Variants in FGF13 observed in about 807,000 individuals in gnomAD.
FGF13 encodes fibroblast growth factor homologous factor 2.
A neutral mutation model predicts 19.5 loss-of-function variants in FGF13; 2 were observed. That is an observed-to-expected ratio of 0.10 (90% CI 0.04 to 0.32). The LOEUF (loss-of-function observed/expected upper bound fraction) is 0.32. Ranked by LOEUF, FGF13 falls within the 10% of genes least tolerant of loss-of-function variation. The probability of loss-of-function intolerance (pLI) is 1.00; values close to 1 mark genes in which losing one functional copy is unlikely to be tolerated. For missense variants in FGF13, 113 were observed against 192.7 expected, an observed-to-expected ratio of 0.59 and a Z score of 2.45; for synonymous variants, 72 against 76.9, an observed-to-expected ratio of 0.94 and a Z score of 0.33.
intron 1 of FGF13, among the ~76,000 whole-genome samples, chrX:138,868,748 C>T (rs1413787872): frequency 1.8e-5 from 2 of 110,628 alleles, no homozygotes; most frequent in Admixed American, 9.7e-5. Context: ...GCTGGAAGAG[C>T]CCTGCACTAT....
intron 1 of FGF13, among the ~76,000 whole-genome samples, chrX:139,033,076 C>CTAAT (rs1474607799): frequency 1.1e-5 from 1 of 91,308 alleles, no homozygotes; most frequent in African/African-American, 4.0e-5. Flanking sequence ...CATTCATGGG[C>CTAAT]TAATTTGGAG....
At chrX:139,127,354 C>G (rs750920274) in intron 1 of FGF13, among the ~76,000 whole-genome samples, 33 of 111,660 alleles carry the variant, frequency 3.0e-4, no homozygotes, top group Non-Finnish European at 5.3e-4. Context: ...TATATCCAGC[C>G]CTGGGAAGAT....
chrX:138,723,336 T>C (rs181903655), intron 1 of FGF13, among the ~76,000 whole-genome samples: 17 of 112,128 alleles, frequency 1.5e-4, no homozygotes, highest in African/African-American at 5.5e-4. Flanking sequence ...ACTTCTCCTT[T>C]CCTCAGTTTT....
At chrX:138,637,486 T>C (rs1310693698) in intron 3 of FGF13, among the ~76,000 whole-genome samples, 1 of 112,453 alleles carries the variant, frequency 8.9e-6, no homozygotes, top group Non-Finnish European at 1.9e-5. Flanking sequence ...AATAGCCACA[T>C]AAACAATGTA....
intron 1 of FGF13, among the ~76,000 whole-genome samples, chrX:138,986,219 ATTGT>A (rs1303629095): frequency 4.0e-4 from 45 of 111,303 alleles, no homozygotes; most frequent in African/African-American, 1.4e-3. Flanking sequence ...CAATGGTAGG[ATTGT>A]TTGTTTTTAA....
At chrX:139,101,606 T>C (rs1436409464) in intron 1 of FGF13, among the ~76,000 whole-genome samples, 1 of 112,569 alleles carries the variant, frequency 8.9e-6, no homozygotes, top group East Asian at 2.8e-4. Context: ...AAAATCTTTA[T>C]AATAAATATT....
intron 1 of FGF13, among the ~76,000 whole-genome samples, chrX:138,724,604 C>T (rs1030435680): frequency 2.7e-5 from 3 of 111,891 alleles, no homozygotes; most frequent in African/African-American, 6.5e-5. Context: ...TGCTTAACAA[C>T]GCAGGTTAGA....
chrX:139,144,966 G>A (rs766096721), intron 1 of FGF13, among the ~76,000 whole-genome samples: 1 of 111,668 alleles, frequency 9.0e-6, no homozygotes, highest in Non-Finnish European at 1.9e-5. Flanking sequence ...GGTAACATAA[G>A]TAACATATTT....
intron 1 of FGF13, among the ~76,000 whole-genome samples, chrX:139,034,335 A>C (rs2092243410): frequency 9.0e-6 from 1 of 111,665 alleles, no homozygotes; most frequent in Non-Finnish European, 1.9e-5. Flanking sequence ...ATGGCATCTA[A>C]GGCAAAACAT....
chrX:138,658,620 T>A (rs2089459447), intron 3 of FGF13, among the ~76,000 whole-genome samples: 1 of 111,739 alleles, frequency 8.9e-6, no homozygotes, highest in South Asian at 3.8e-4. Flanking sequence ...GGGAGTAGCT[T>A]AAGGTCAAGA....
At chrX:138,895,206 T>C (rs1044160112) in intron 1 of FGF13, among the ~76,000 whole-genome samples, 1 of 112,157 alleles carries the variant, frequency 8.9e-6, no homozygotes, top group African/African-American at 3.2e-5. Context: ...AACTTGATGA[T>C]GTGATATATG....
At chrX:138,784,530 G>C in intron 3 of FGF13, among the ~76,000 whole-genome samples, 1 of 109,983 alleles carries the variant, frequency 9.1e-6, no homozygotes, top group East Asian at 2.9e-4. Context: ...CTAGTTACCT[G>C]CTCTTTCCTT....
At chrX:138,682,117 C>T (rs752279358) in intron 3 of FGF13, among the ~76,000 whole-genome samples, 1 of 112,287 alleles carries the variant, frequency 8.9e-6, no homozygotes, top group African/African-American at 3.2e-5. Context: ...ACTGCAATAT[C>T]TGCAAAGCAT....
intron 1 of FGF13, among the ~76,000 whole-genome samples, chrX:138,991,236 G>C (rs941067697): frequency 3.6e-5 from 4 of 112,277 alleles, no homozygotes; most frequent in Non-Finnish European, 7.5e-5. Flanking sequence ...CAGAAATAGA[G>C]TGTATGCTTT....
At chrX:138,844,630 C>G (rs1377170690) in intron 3 of FGF13, among the ~76,000 whole-genome samples, 1 of 112,108 alleles carries the variant, frequency 8.9e-6, no homozygotes, top group Non-Finnish European at 1.9e-5. Flanking sequence ...ATCCATTCCT[C>G]CTTCCTGAAG....
chrX:138,970,420 G>T (rs1268127966), intron 1 of FGF13, among the ~76,000 whole-genome samples: 1 of 111,171 alleles, frequency 9.0e-6, no homozygotes. Context: ...CTGCCATATT[G>T]TTCTCCACAA....
At position 138,782,329 on chromosome X, in the gene FGF13, A is replaced by T. The variant is rs760659937; in HGVS notation, c.218-73401T>A. Reference sequence around the variant, plus strand: ...GCCAGGGCAATTAGGCAGGAGAAGGAAATAAAGGGTATTCAATTAGGAAAA... The same window carrying T: ...GCCAGGGCAATTAGGCAGGAGAAGGTAATAAAGGGTATTCAATTAGGAAAA... On this transcript the variant is annotated intron_variant, in intron 3 of 6. Transcript: ENST00000436198. 4.1e-4 allele frequency among the ~76,000 whole-genome samples: 46 copies of T among 112,026 alleles called. No homozygotes were observed. The East Asian group carries it at 0.012, about 29-fold the overall frequency.
chrX:139,050,951 A>G (rs1345838338), intron 1 of FGF13, among the ~76,000 whole-genome samples: 1 of 111,997 alleles, frequency 8.9e-6, no homozygotes, highest in Non-Finnish European at 1.9e-5. Context: ...TCAACTTCAA[A>G]TTCTTCAGTC....
chrX:138,698,075 T>G (rs2089912484), intron 3 of FGF13, among the ~76,000 whole-genome samples: 1 of 110,505 alleles, frequency 9.0e-6, no homozygotes, highest in African/African-American at 3.3e-5. Flanking sequence ...AGTAAATATG[T>G]TATGAAATAA....
Sources: gnomAD v4.1 joint callset for allele counts (sites outside exome capture counted in the v4.1 genomes callset) on GRCh38, gnomAD v4.1.1 for gene constraint, MANE v1.5 for transcripts, NCBI Gene and HGNC (gene_info 2026-07-23, HGNC 2026-07-21) for gene names.